PHACTR1: variants seen among roughly 807,000 people sequenced by gnomAD.
PHACTR1 encodes RPEL repeat containing 1.
A neutral mutation model predicts 69.2 loss-of-function variants in PHACTR1; 16 were observed. That is an observed-to-expected ratio of 0.23 (90% CI 0.16 to 0.35). The LOEUF (loss-of-function observed/expected upper bound fraction) is 0.35. PHACTR1 is among the 10% of genes least tolerant of loss of function. The probability of loss-of-function intolerance (pLI) is 1.00; values close to 1 mark genes in which losing one functional copy is unlikely to be tolerated. For missense variants in PHACTR1, 510 were observed against 734.7 expected, an observed-to-expected ratio of 0.69 and a Z score of 3.54; for synonymous variants, 312 against 284.5, an observed-to-expected ratio of 1.10 and a Z score of -0.97.
chr6:13,224,461 T>A (rs1769236571), intron 8 of PHACTR1, among the ~76,000 whole-genome samples: 1 of 152,220 alleles, frequency 6.6e-6, no homozygotes, highest in Non-Finnish European at 1.5e-5. Flanking sequence ...GGGTTAATAA[T>A]TTGGGCCAAA....
Position 12,829,780 on chromosome 6 carries a change from C to A in PHACTR1, c.250+79990C>A, listed in dbSNP as rs529614431. On this transcript the variant is annotated intron_variant, in intron 4 of 14. Coordinates refer to ENST00000332995, the MANE Select transcript of PHACTR1 (RefSeq NM_030948.6). ...GATCAGGCTGGCCAACCTGGTGAAACCCCGTCTCTACTAAAAATACAAAAA... is the reference window on the plus strand; with the variant it reads ...GATCAGGCTGGCCAACCTGGTGAAAACCCGTCTCTACTAAAAATACAAAAA... Among the ~76,000 whole-genome samples, 105 of 150,870 alleles carry A rather than the reference C, an allele frequency of 7.0e-4. 1 individual carries two copies. The highest frequency in any genetic ancestry group is 2.4e-3 in the African/African-American group (100 of 40,974).
At chr6:13,106,711 A>G (rs997245035) in intron 5 of PHACTR1, among the ~76,000 whole-genome samples, 4 of 151,764 alleles carry the variant, frequency 2.6e-5, no homozygotes, top group Non-Finnish European at 5.9e-5. Context: ...AAGTTAAGGA[A>G]TTTTTTTCAT....
chr6:13,112,963 A>G (rs1463658725), intron 5 of PHACTR1, among the ~76,000 whole-genome samples: 1 of 152,116 alleles, frequency 6.6e-6, no homozygotes, highest in African/African-American at 2.4e-5. Flanking sequence ...TTATATTGAG[A>G]ATGGTATTAC....
At chr6:13,065,835 C>T (rs1032104610) in intron 5 of PHACTR1, among the ~76,000 whole-genome samples, 1 of 151,902 alleles carries the variant, frequency 6.6e-6, no homozygotes, top group Non-Finnish European at 1.5e-5. Context: ...ATAATCAGAG[C>T]ACTAGTTAGC....
chr6:12,877,741 C>T (rs1271257664), intron 4 of PHACTR1, among the ~76,000 whole-genome samples: 1 of 152,220 alleles, frequency 6.6e-6, no homozygotes, highest in Admixed American at 6.5e-5. Flanking sequence ...TTCATGTCCC[C>T]ACGCTGTGAC....
chr6:12,740,428 A>C (rs960358427), intron 3 of PHACTR1, among the ~76,000 whole-genome samples: 2 of 152,066 alleles, frequency 1.3e-5, no homozygotes, highest in Non-Finnish European at 2.9e-5. Context: ...AGTGATTTTA[A>C]AATTTTAGCC....
At chr6:13,153,082 G>A (rs77520151) in intron 5 of PHACTR1, among the ~76,000 whole-genome samples, 1 of 152,192 alleles carries the variant, frequency 6.6e-6, no homozygotes, top group South Asian at 2.1e-4. Flanking sequence ...TCATTTGGAT[G>A]TGAAAGGCAC....
At chr6:12,908,821 C>A (rs1786041935) in intron 4 of PHACTR1, among the ~76,000 whole-genome samples, 1 of 152,342 alleles carries the variant, frequency 6.6e-6, no homozygotes, top group Admixed American at 6.5e-5. Context: ...AGGCAGGAAG[C>A]CGCACATCTC....
At chr6:13,041,954 A>C (rs1170423109) in intron 4 of PHACTR1, among the ~76,000 whole-genome samples, 1 of 152,204 alleles carries the variant, frequency 6.6e-6, no homozygotes, top group Non-Finnish European at 1.5e-5. Flanking sequence ...ACGATACTCA[A>C]CATTTGATAA....
Position 13,230,203 on chromosome 6 carries a change from C to A in PHACTR1, c.1391+10C>A, listed in dbSNP as rs750436329. On this transcript the variant is annotated intron_variant, in intron 10 of 14. Transcript: ENST00000332995. ...GCACCAAGCTCACCAGGTAGGACAGCGGCACCCTCTGCCTCCCTGGCAGTG... is the reference window on the plus strand; with the variant it reads ...GCACCAAGCTCACCAGGTAGGACAGAGGCACCCTCTGCCTCCCTGGCAGTG... The A allele has an allele frequency of 6.2e-7, 1 of 1,604,170 alleles. No homozygotes were observed. The highest frequency in any genetic ancestry group is 2.3e-5 in the East Asian group (1 of 44,374).
At chr6:13,034,875 G>C (rs915017740) in intron 4 of PHACTR1, among the ~76,000 whole-genome samples, 2 of 152,142 alleles carry the variant, frequency 1.3e-5, no homozygotes, top group African/African-American at 4.8e-5. Context: ...CCAGGAAATA[G>C]ATAAATTACT....
intron 6 of PHACTR1, among the ~76,000 whole-genome samples, chr6:13,166,543 G>A (rs1442520444): frequency 6.6e-6 from 1 of 152,066 alleles, no homozygotes; most frequent in South Asian, 2.1e-4. Flanking sequence ...TCACTGCACC[G>A]GCGAAATCCA....
chr6:12,997,613 T>C (rs1228383482), intron 4 of PHACTR1, among the ~76,000 whole-genome samples: 1 of 152,138 alleles, frequency 6.6e-6, no homozygotes, highest in East Asian at 1.9e-4. Flanking sequence ...ATTTATCATT[T>C]TTTGTGGCGA....
chr6:12,718,837 A>C lies in PHACTR1; in HGVS notation c.93A>C (p.Gln31His). The C allele has an allele frequency of 6.4e-7, 1 of 1,555,488 alleles. No individual in the cohort carries two copies. The highest frequency in any genetic ancestry group is 8.7e-7 in the Non-Finnish European group (1 of 1,145,064). The change falls in exon 3 of 15, where the codon CAA (glutamine) becomes CAC (histidine). Residue 31 changes from glutamine to histidine, a missense_variant. Physicochemically the swap from Gln to His is conservative, Grantham distance 24. Around this residue, in one of 2 missense-constraint regions of PHACTR1, gnomAD observed 419 missense variants for 530.9 expected, o/e 0.79. Transcript: ENST00000332995. Reference sequence around the variant, plus strand: ...CAGCTCAAAGATTCTTCTACAGTCAAGGAGCTCAAGGTAATAAAATAAGAA... The same window carrying C: ...CAGCTCAAAGATTCTTCTACAGTCACGGAGCTCAAGGTAATAAAATAAGAA... ...VESAQRFFYS[Q>H]GAQARRATLL...
chr6:12,980,525 T>C (rs998600156), intron 4 of PHACTR1, among the ~76,000 whole-genome samples: 1 of 152,096 alleles, frequency 6.6e-6, no homozygotes, highest in Admixed American at 6.5e-5. Flanking sequence ...TAGTGCCCAA[T>C]AGTCATTGGA....
intron 4 of PHACTR1, among the ~76,000 whole-genome samples, chr6:12,944,491 A>G (rs78907041): frequency 0.051 from 7,778 of 152,320 alleles, 383 homozygotes; most frequent in East Asian, 0.13. Flanking sequence ...TACAACATCT[A>G]TAAGTGCCCT....
At chr6:13,065,286 G>A (rs1047103421) in intron 5 of PHACTR1, among the ~76,000 whole-genome samples, 1 of 151,984 alleles carries the variant, frequency 6.6e-6, no homozygotes, top group Admixed American at 6.6e-5. Context: ...ACACCCTGAG[G>A]GCCACCAGCC....
At chr6:12,765,182 C>A (rs1255437022) in intron 4 of PHACTR1, among the ~76,000 whole-genome samples, 1 of 152,186 alleles carries the variant, frequency 6.6e-6, no homozygotes, top group Admixed American at 6.5e-5. Flanking sequence ...GATGTGGTAT[C>A]ACCATGTTAA....
At chr6:13,210,606 T>C (rs1357368860) in intron 8 of PHACTR1, among the ~76,000 whole-genome samples, 1 of 152,208 alleles carries the variant, frequency 6.6e-6, no homozygotes, top group East Asian at 1.9e-4. Flanking sequence ...CCAAAGCGTA[T>C]GGCTCAACCT....
Sources: gnomAD v4.1 joint callset for allele counts (sites outside exome capture counted in the v4.1 genomes callset) on GRCh38, gnomAD v4.1.1 for gene constraint, gnomAD v4.1.1 regional missense constraint, MANE v1.5 for transcripts, NCBI Gene and HGNC (gene_info 2026-07-23, HGNC 2026-07-21) for gene names.